PCDHGA9: variants seen among roughly 807,000 people sequenced by gnomAD.
The protein encoded by PCDHGA9 is protocadherin gamma subfamily A, 9.
In PCDHGA9, 37 loss-of-function variants were observed where a neutral mutation model predicts 62.5. The ratio of observed to expected loss-of-function variants is 0.59; its 90% CI spans 0.46 to 0.78. The LOEUF (loss-of-function observed/expected upper bound fraction) is 0.78. Among genes scored for constraint, PCDHGA9 ranks in the 30% least tolerant of loss-of-function variants. The probability of loss-of-function intolerance (pLI) is 0.00; values close to 1 mark genes in which losing one functional copy is unlikely to be tolerated. For missense variants in PCDHGA9, 1,138 were observed against 1,166.2 expected, an observed-to-expected ratio of 0.98 and a Z score of 0.35; for synonymous variants, 459 against 484.6, an observed-to-expected ratio of 0.95 and a Z score of 0.69.
Position 141,404,862 on chromosome 5 carries a change from C to A in PCDHGA9, c.1910C>A (p.Ala637Glu). 1 of 1,613,848 alleles carries A rather than the reference C, an allele frequency of 6.2e-7. No individual in the cohort carries two copies. The highest frequency in any genetic ancestry group is 8.5e-7 in the Non-Finnish European group (1 of 1,179,892). ...RTARALLDRD[A>E]LKQSLVVAVQ... Reference sequence around the variant, plus strand: ...GCTCGGGCCCTGCTAGATAGAGATGCGCTCAAACAGAGCCTTGTGGTGGCT... The same window carrying A: ...GCTCGGGCCCTGCTAGATAGAGATGAGCTCAAACAGAGCCTTGTGGTGGCT... Residue 637 changes from alanine to glutamate, a missense_variant, in exon 1 of 4, where the codon GCG becomes GAG. Coordinates refer to ENST00000573521, the MANE Select transcript of PCDHGA9 (RefSeq NM_018921.3).
intron 2 of PCDHGA9, among the ~76,000 whole-genome samples, chr5:141,495,389 C>T (rs966648925): frequency 2.0e-5 from 3 of 152,204 alleles, no homozygotes; most frequent in African/African-American, 7.2e-5. Context: ...CTGGGCGGGG[C>T]ATGGAGCAGG....
At chr5:141,423,139 G>T (rs2096713828) in intron 1 of PCDHGA9, 4 of 1,613,498 alleles carry the variant, frequency 2.5e-6, no homozygotes, top group Non-Finnish European at 3.4e-6. Flanking sequence ...GGACAGAGAC[G>T]CGCTCAAGCA....
intron 1 of PCDHGA9, among the ~76,000 whole-genome samples, chr5:141,468,979 C>T (rs1394344696): frequency 6.7e-6 from 1 of 149,482 alleles, no homozygotes; most frequent in African/African-American, 2.5e-5. Flanking sequence ...CTTTTGACTT[C>T]CAAAATTATT....
chr5:141,443,417 T>C (rs1429905201), intron 1 of PCDHGA9, among the ~76,000 whole-genome samples: 3 of 152,132 alleles, frequency 2.0e-5, no homozygotes, highest in East Asian at 1.9e-4. Context: ...TCTGGGGAGA[T>C]TGAAGCTGCA....
At chr5:141,458,899 T>A (rs1398965632) in intron 1 of PCDHGA9, among the ~76,000 whole-genome samples, 2 of 152,106 alleles carry the variant, frequency 1.3e-5, no homozygotes, top group African/African-American at 2.4e-5. Context: ...GCGCAGCTAA[T>A]TTTTTCTATT....
At chr5:141,498,971 GGGAAGGAA>G (rs201769957) in intron 2 of PCDHGA9, among the ~76,000 whole-genome samples, 18,877 of 110,786 alleles carry the variant, frequency 0.17, 1,784 homozygotes, top group Admixed American at 0.31. Context: ...GAGGGAGGGA[GGGAAGGAA>G]GGAAGGAAGG....
At position 141,480,425 on chromosome 5, in the gene PCDHGA9, AT is replaced by A. The variant is rs553131122; in HGVS notation, c.2425-14380del. On this transcript the variant is annotated intron_variant, in intron 1 of 3. Transcript: ENST00000573521. ...GTGAGACCCTGTCTCAAAAAAAAAA[AT>A]TATCAGCTATTACTATAATTATTTT... 2.3e-4 allele frequency among the ~76,000 whole-genome samples: 34 copies of A among 149,340 alleles called. 1 individual carries two copies. In the South Asian group the frequency reaches 6.0e-3, roughly 26 times the overall value.
intron 1 of PCDHGA9, among the ~76,000 whole-genome samples, chr5:141,488,635 C>T (rs1476156734): frequency 6.6e-6 from 1 of 152,152 alleles, no homozygotes; most frequent in Non-Finnish European, 1.5e-5. Flanking sequence ...ACCTTAGCAG[C>T]ATTCAGCAGG....
rs1236959966 is a variant in PCDHGA9, at chr5:141,511,984, G to C, written c.*811G>C. On this transcript the variant is annotated 3_prime_UTR_variant, in exon 4 of 4. Transcript: ENST00000573521. ...GGGAAGTGTGTGGATGTGGATGGTGGGGGCATGGACAAAGCTTGACACATC... is the reference window on the plus strand; with the variant it reads ...GGGAAGTGTGTGGATGTGGATGGTGCGGGCATGGACAAAGCTTGACACATC... 1 of 153,294 alleles carries C rather than the reference G, an allele frequency of 6.5e-6. No individual in the cohort carries two copies. Among genetic ancestry groups the C allele is most frequent in the African/African-American group, 2.4e-5 (1 of 41,452 alleles). 9.5% of individuals were successfully genotyped at this position (153,294 alleles called of 1,614,324 possible). A position where few individuals can be genotyped will look rare whatever the true frequency, so the allele number is the denominator to read the frequency against.
At chr5:141,417,954 C>A (rs2096198021) in intron 1 of PCDHGA9, 3 of 1,613,600 alleles carry the variant, frequency 1.9e-6, no homozygotes, top group South Asian at 1.1e-5. Flanking sequence ...CTGTGTGAGC[C>A]GATCCGCTAC....
chr5:141,409,195 T>G lies in PCDHGA9; in HGVS notation c.2424+3819T>G, dbSNP rs750681435. 3.7e-6 allele frequency: 6 copies of G among 1,613,890 alleles called. No homozygotes were observed. The African/African-American group carries it at 8.0e-5, about 22-fold the overall frequency. On this transcript the variant is annotated intron_variant, in intron 1 of 3. Transcript: ENST00000573521. Reference sequence around the variant, plus strand: ...ACGGAGGTGGTCTCTCTACCCAGTGTAAAGTAATCATAGAAATCCTTGATG... The same window carrying G: ...ACGGAGGTGGTCTCTCTACCCAGTGGAAAGTAATCATAGAAATCCTTGATG...
At position 141,487,763 on chromosome 5, in the gene PCDHGA9, G is replaced by A; in HGVS notation, c.2425-7044G>A. ...AAGAGGTAACTATGTGGTAGACGCT[G>A]TGCTTTGTAACTGTTTCGTGAATTA... On this transcript the variant is annotated intron_variant, in intron 1 of 3. Coordinates refer to ENST00000573521, the MANE Select transcript of PCDHGA9 (RefSeq NM_018921.3). This position sits in a 1 kb window ranked among gnomAD's most constrained non-coding sequence, Gnocchi z 5.0. 6.5e-7 allele frequency: 1 copy of A among 1,544,968 alleles called. No homozygotes were observed. The highest frequency in any genetic ancestry group is 1.2e-5 in the South Asian group (1 of 83,382).
In PCDHGA9 at chr5:141,498,877, G is replaced by A. The variant is rs886444261; in HGVS notation, c.2483+4012G>A. ...GAACCCAGGAGGCGGAGGTTGCAGTGAGCTGAGATCACACCACTGCACTCC... is the reference window on the plus strand; with the variant it reads ...GAACCCAGGAGGCGGAGGTTGCAGTAAGCTGAGATCACACCACTGCACTCC... On this transcript the variant is annotated intron_variant, in intron 2 of 3. Coordinates refer to ENST00000573521, the MANE Select transcript of PCDHGA9 (RefSeq NM_018921.3). Among the ~76,000 whole-genome samples, 8 of 149,816 alleles carry A rather than the reference G, an allele frequency of 5.3e-5. No individual in the cohort carries two copies. In the East Asian group the frequency reaches 1.4e-3, roughly 26 times the overall value.
chr5:141,483,711 A>G (rs1258383632), intron 1 of PCDHGA9, among the ~76,000 whole-genome samples: 2 of 152,122 alleles, frequency 1.3e-5, no homozygotes, highest in African/African-American at 2.4e-5. Context: ...TGACACCAGA[A>G]TATTGGTTCC....
chr5:141,486,148 G>A lies in PCDHGA9; in HGVS notation c.2425-8659G>A. On this transcript the variant is annotated intron_variant, in intron 1 of 3. Coordinates refer to ENST00000573521, the MANE Select transcript of PCDHGA9 (RefSeq NM_018921.3). This position sits in a 1 kb window ranked among gnomAD's most constrained non-coding sequence, Gnocchi z 5.0. ...AATTTGATGTGCGGGCTCGCGATGG[G>A]GGTTCTCCAGCCATGGAGCAACATT... 2 of 1,614,164 alleles carry A rather than the reference G, an allele frequency of 1.2e-6. No homozygotes were observed. The highest frequency in any genetic ancestry group is 1.7e-6 in the Non-Finnish European group (2 of 1,180,026).
At chr5:141,473,809 A>C (rs1230574978) in intron 1 of PCDHGA9, among the ~76,000 whole-genome samples, 2 of 152,242 alleles carry the variant, frequency 1.3e-5, no homozygotes, top group East Asian at 3.8e-4. Flanking sequence ...ACTGAGGAGC[A>C]GCTGGACAAT....
At position 141,494,925 on chromosome 5, in the gene PCDHGA9, G is replaced by A. The variant is rs936071950; in HGVS notation, c.2483+60G>A. On this transcript the variant is annotated intron_variant, in intron 2 of 3. Coordinates refer to ENST00000573521, the MANE Select transcript of PCDHGA9 (RefSeq NM_018921.3). ...TGCGGCATTTTCTCAGGGATGACGT[G>A]GGAGGAGATGGGGGAGGGCCCAGCA... is the stretch of plus-strand genomic sequence containing the variant. The A allele has an allele frequency of 3.3e-4, 525 of 1,613,316 alleles. 2 individuals carry two copies. Among genetic ancestry groups the A allele is most frequent in the Admixed American group, 4.7e-4 (28 of 59,956 alleles).
intron 1 of PCDHGA9, chr5:141,478,865 T>G: frequency 7.5e-7 from 1 of 1,326,190 alleles, no homozygotes; most frequent in Non-Finnish European, 1.0e-6. Context: ...ATCTCAGCGA[T>G]CAGAGTTTAG....
At chr5:141,418,836 C>T (rs2096292464) in intron 1 of PCDHGA9, 1 of 1,613,984 alleles carries the variant, frequency 6.2e-7, no homozygotes, top group Non-Finnish European at 8.5e-7. Flanking sequence ...GACCGAGGAT[C>T]TCTCTCAACA....
Sources: gnomAD v4.1 joint callset for allele counts (sites outside exome capture counted in the v4.1 genomes callset) on GRCh38, gnomAD v4.1.1 for gene constraint, Gnocchi (gnomAD v3.1) non-coding constraint, MANE v1.5 for transcripts, NCBI Gene and HGNC (gene_info 2026-07-23, HGNC 2026-07-21) for gene names.